Variants in NBPF8 observed in about 807,000 individuals in gnomAD.
The protein encoded by NBPF8 is NBPF family member NBPF8.
chr1:120,415,867 C>T (rs1287284991), upstream of NBPF8, among the ~76,000 whole-genome samples: 1 of 152,142 alleles, frequency 6.6e-6, no homozygotes, highest in African/African-American at 2.4e-5. Flanking sequence ...AAAGAGTTGG[C>T]GTGATTTCCC....
upstream of NBPF8, among the ~76,000 whole-genome samples, chr1:120,418,896 A>T (rs1273012527): frequency 2.0e-5 from 3 of 151,960 alleles, no homozygotes; most frequent in African/African-American, 7.3e-5. Context: ...AAGATTTACT[A>T]AAATCTCTTA....
chr1:120,468,959 T>C (rs1409839030), downstream of NBPF8, among the ~76,000 whole-genome samples: 5,370 of 148,732 alleles, frequency 0.036, no homozygotes, highest in Middle Eastern at 0.072. Flanking sequence ...GGATTATGGG[T>C]GAGATTTTTG....
upstream of NBPF8, among the ~76,000 whole-genome samples, chr1:120,416,883 T>G (rs1660450786): frequency 6.8e-6 from 1 of 146,940 alleles, no homozygotes; most frequent in Non-Finnish European, 1.5e-5. Flanking sequence ...GGTGCAGTAA[T>G]GTATCAGTGT....
At chr1:120,457,687 A>T (rs1661481250) in intron 16 of NBPF8, among the ~76,000 whole-genome samples, 1 of 70,404 alleles carries the variant, frequency 1.4e-5, no homozygotes, top group Non-Finnish European at 2.4e-5. Flanking sequence ...TATGTAACTA[A>T]CCTGCACGTT....
chr1:120,449,833 C>A (rs1158022246), intron 11 of NBPF8, among the ~76,000 whole-genome samples: 2 of 152,146 alleles, frequency 1.3e-5, no homozygotes, highest in Non-Finnish European at 2.9e-5. Flanking sequence ...TCTAGTGACT[C>A]TGAGGGAAAC....
chr1:120,449,794 C>T (rs1482882260), intron 11 of NBPF8, among the ~76,000 whole-genome samples: 1 of 152,170 alleles, frequency 6.6e-6, no homozygotes, highest in Non-Finnish European at 1.5e-5. Flanking sequence ...GTTCAAGTTT[C>T]TGTTGAGGCC....
chr1:120,451,762 C>T (rs1661279746), intron 12 of NBPF8, among the ~76,000 whole-genome samples: 1 of 148,194 alleles, frequency 6.7e-6, no homozygotes. Flanking sequence ...GGCTTTGTAT[C>T]TAGTGGCCGC....
upstream of NBPF8, among the ~76,000 whole-genome samples, chr1:120,417,031 C>CT (rs1404780678): frequency 2.6e-4 from 32 of 125,344 alleles, no homozygotes; most frequent in African/African-American, 9.3e-4. Flanking sequence ...ATTTGTAATA[C>CT]TTTTTTCCGG....
intron 3 of NBPF8, among the ~76,000 whole-genome samples, chr1:120,431,126 T>C (rs1660861827): frequency 6.8e-6 from 1 of 147,048 alleles, no homozygotes; most frequent in Admixed American, 6.7e-5. Context: ...ATTATGTGTT[T>C]TGTTGAAAAA....
At chr1:120,431,359 AAT>A (rs869036983), upstream of NBPF8, among the ~76,000 whole-genome samples, 2,960 of 41,700 alleles carry the variant, frequency 0.071, 102 homozygotes, top group Middle Eastern at 0.078. Context: ...CCAAATAGGG[AAT>A]ATATATATAT....
intron 23 of NBPF8, among the ~76,000 whole-genome samples, chr1:120,464,868 C>T (rs1661701603): frequency 9.9e-6 from 1 of 101,380 alleles, no homozygotes; most frequent in Non-Finnish European, 2.0e-5. Context: ...TCCTTTTTCA[C>T]TCTAATTTCA....
chr1:120,431,531 G>T (rs1217585879), upstream of NBPF8, among the ~76,000 whole-genome samples: 6 of 151,634 alleles, frequency 4.0e-5, no homozygotes, highest in African/African-American at 1.2e-4. Context: ...CATAGGAAAA[G>T]ATGCTCCACT....
Position 120,466,184 on chromosome 1 carries a change from A to G in NBPF8, n.3775A>G, listed in dbSNP as rs1241281486. On this transcript the variant is annotated non_coding_transcript_exon_variant, in exon 25 of 25. Coordinates refer to ENST00000583271, the Ensembl canonical transcript of NBPF8. ...TTTACTTTGACGGTGACAAGTCTCT[A>G]TCTGGTCTTCCAGATGGGAGTCATA... The G allele has an allele frequency of 5.0e-6, 8 of 1,609,458 alleles. No individual in the cohort carries two copies. In the African/African-American group the frequency reaches 9.3e-5, roughly 19 times the overall value.
exon 23 of NBPF8, chr1:120,464,455 A>T (rs1423565479): frequency 2.5e-6 from 2 of 802,656 alleles, no homozygotes; most frequent in South Asian, 1.3e-5. Context: ...AACTCCTTCC[A>T]GTTGTCTTGA....
exon 25 of NBPF8, chr1:120,466,243 G>C: frequency 6.2e-7 from 1 of 1,606,608 alleles, no homozygotes; most frequent in African/African-American, 1.3e-5. Context: ...TAAGCCGAGA[G>C]GTGTCATTCC....
At chr1:120,424,157 T>A (rs1295911313) in intron 1 of NBPF8, among the ~76,000 whole-genome samples, 1 of 152,090 alleles carries the variant, frequency 6.6e-6, no homozygotes, top group African/African-American at 2.4e-5. Context: ...GAAAGCAGAT[T>A]TCATTATATT....
At chr1:120,418,503 T>C (rs1436616852), upstream of NBPF8, among the ~76,000 whole-genome samples, 1 of 150,762 alleles carries the variant, frequency 6.6e-6, no homozygotes, top group East Asian at 1.9e-4. Flanking sequence ...CGACGTGATA[T>C]GATGTAAACA....
At chr1:120,433,749 G>A (rs1354645473), upstream of NBPF8, 486 of 184,936 alleles carry the variant, frequency 2.6e-3, 13 homozygotes, top group Admixed American at 0.025. Flanking sequence ...CAGGCCTAGC[G>A]TCTTGGCAGT....
chr1:120,418,912 A>G (rs1362090635), upstream of NBPF8, among the ~76,000 whole-genome samples: 2 of 151,702 alleles, frequency 1.3e-5, no homozygotes, highest in Admixed American at 1.3e-4. Flanking sequence ...TCTTACAGCT[A>G]TTATTTATGA....
Sources: allele counts gnomAD v4.1 joint callset (sites outside exome capture counted in the v4.1 genomes callset), GRCh38; gene constraint gnomAD v4.1.1; transcripts MANE v1.5; gene names NCBI Gene and HGNC (gene_info 2026-07-23, HGNC 2026-07-21).